IDH3A: variants seen among roughly 807,000 people sequenced by gnomAD.
IDH3A encodes the protein isocitrate dehydrogenase (NAD(+)) 3 catalytic subunit alpha.
IDH3A carries 23 observed loss-of-function variants against 43.3 expected under a neutral mutation model. That is an observed-to-expected ratio of 0.53 (90% CI 0.38 to 0.75). The LOEUF (loss-of-function observed/expected upper bound fraction) is 0.75. Ranked by LOEUF, IDH3A falls within the 30% of genes least tolerant of loss-of-function variation. The pLI, the probability that IDH3A is intolerant of heterozygous loss-of-function variation, is 0.00. For synonymous variants in IDH3A, 154 were observed against 163.5 expected, an observed-to-expected ratio of 0.94 and a Z score of 0.44; for missense variants, 329 against 474.4, an observed-to-expected ratio of 0.69 and a Z score of 2.85.
At chr15:78,163,845 A>G in intron 8 of IDH3A, 65 bp downstream of exon 8, 1 of 1,003,386 alleles carries the variant, frequency 1.0e-6, no homozygotes, top group African/African-American at 1.6e-5. Context: ...TAAAATAATT[A>G]TGGCTTAACA....
rs1375949698 is a variant in IDH3A, at chr15:78,171,501, T to C, written c.*2496T>C. The C allele has an allele frequency of 6.2e-7, 1 of 1,614,200 alleles. No individual in the cohort carries two copies. Among genetic ancestry groups the C allele is most frequent in the South Asian group, 1.1e-5 (1 of 91,082 alleles). On this transcript the variant is annotated 3_prime_UTR_variant, in exon 11 of 11. Coordinates refer to ENST00000299518, the MANE Select transcript of IDH3A (RefSeq NM_005530.3). Reference sequence around the variant, plus strand: ...TGATACCTTTGTACTTCTCCAAAACTGTGAGCCGTTTCAGTTTCATCGTGG... The same window carrying C: ...TGATACCTTTGTACTTCTCCAAAACCGTGAGCCGTTTCAGTTTCATCGTGG...
At position 78,165,091 on chromosome 15, in the gene IDH3A, A is replaced by G; in HGVS notation, c.864+15A>G. 1.3e-6 allele frequency: 2 copies of G among 1,565,106 alleles called. No individual in the cohort carries two copies. The highest frequency in any genetic ancestry group is 1.8e-6 in the Non-Finnish European group (2 of 1,135,300). Reference sequence around the variant, plus strand: ...TTTTTGAGTCGGTAAGGACCCTGACACCTGAAACAGAACTCAGGTCAGAAC... The same window carrying G: ...TTTTTGAGTCGGTAAGGACCCTGACGCCTGAAACAGAACTCAGGTCAGAAC... On this transcript the variant is annotated intron_variant, in intron 9 of 10. Coordinates refer to ENST00000299518, the MANE Select transcript of IDH3A (RefSeq NM_005530.3).
rs1418943715 is a variant in IDH3A at position 78,161,530 on chromosome 15, G to A, written c.290-51G>A. 6 of 1,514,392 alleles carry A rather than the reference G, an allele frequency of 4.0e-6. No homozygotes were observed. The highest frequency in any genetic ancestry group is 4.5e-6 in the Non-Finnish European group (5 of 1,104,876). 93.8% of individuals were successfully genotyped at this position (1,514,392 alleles called of 1,614,324 possible). On this transcript the variant is annotated intron_variant, in intron 4 of 10. Transcript: ENST00000299518. The surrounding 1 kb of genome is among the most constrained non-coding windows in gnomAD (Gnocchi z 4.8). ...GCCGAGGTGGGTTAGTAGGTCACACGTGAGACCAGAATTCCTTCTAGTGTC... is the reference window on the plus strand; with the variant it reads ...GCCGAGGTGGGTTAGTAGGTCACACATGAGACCAGAATTCCTTCTAGTGTC...
In IDH3A at chr15:78,160,086, A is replaced by G; in HGVS notation, c.175-6A>G. ...AGCTCACTGTGCTCTGTGATGTGGCATCTAGGCACCTATTCAGTGGGAGGA... is the reference window on the plus strand; with the variant it reads ...AGCTCACTGTGCTCTGTGATGTGGCGTCTAGGCACCTATTCAGTGGGAGGA... On this transcript the variant is annotated splice_region_variant and splice_polypyrimidine_tract_variant and intron_variant, in intron 3 of 10. Transcript: ENST00000299518. 16 of 1,557,874 alleles carry G rather than the reference A, an allele frequency of 1.0e-5. No individual in the cohort carries two copies. The highest frequency in any genetic ancestry group is 1.4e-5 in the Non-Finnish European group (16 of 1,128,752).
At chr15:78,155,963 T>C (rs983563821) in intron 2 of IDH3A, among the ~76,000 whole-genome samples, 21 of 152,196 alleles carry the variant, frequency 1.4e-4, no homozygotes, top group African/African-American at 5.1e-4. Flanking sequence ...CCATATAACA[T>C]CTATGCCGTG....
intron 3 of IDH3A, among the ~76,000 whole-genome samples, 185 bp downstream of exon 3, chr15:78,157,816 C>A: frequency 6.6e-6 from 1 of 150,552 alleles, no homozygotes; most frequent in South Asian, 2.1e-4. Flanking sequence ...GCCATTATTT[C>A]TTTCTTTCTT....
rs1555429600 is a variant in IDH3A, at chr15:78,158,448, C to CATACATATATATAT, written c.174+820_174+821insCATATATATATATA. Among the ~76,000 whole-genome samples the CATACATATATATAT allele has an allele frequency of 4.7e-3, 134 of 28,238 alleles. 7 individuals are homozygous for CATACATATATATAT. The highest frequency in any genetic ancestry group is 7.2e-3 in the East Asian group (8 of 1,112). The allele number at this position is 28,238 out of a possible 152,430, so 18.5% of individuals were successfully genotyped here. A position where few individuals can be genotyped will look rare whatever the true frequency, so the allele number is the denominator to read the frequency against. ...TCATAGGTTATGCAATACATACATA[C>CATACATATATATAT]ATATATATATATATATTTTTTTTTT... On this transcript the variant is annotated intron_variant, in intron 3 of 10. Coordinates refer to ENST00000299518, the MANE Select transcript of IDH3A (RefSeq NM_005530.3).
At chr15:78,168,745 G>C (rs1595874342) in intron 10 of IDH3A, 177 bp from the exon 11 acceptor site, 1 of 560,162 alleles carries the variant, frequency 1.8e-6, no homozygotes, top group South Asian at 2.3e-5. Flanking sequence ...ATTGGATCCC[G>C]ATCCTCCTGG....
intron 3 of IDH3A, among the ~76,000 whole-genome samples, chr15:78,157,972 T>C (rs980001429): frequency 3.9e-5 from 6 of 152,094 alleles, no homozygotes; most frequent in Non-Finnish European, 7.4e-5. Flanking sequence ...TGGCTGCTCC[T>C]GTTGTTGATA....
intron 10 of IDH3A, among the ~76,000 whole-genome samples, chr15:78,166,884 A>C (rs1377341604): frequency 6.6e-6 from 1 of 150,900 alleles, no homozygotes; most frequent in Non-Finnish European, 1.5e-5. Context: ...CTCCCGCCCC[A>C]GCCTCCCAAA....
chr15:78,164,028 T>C (rs186839694), intron 8 of IDH3A, among the ~76,000 whole-genome samples: 5 of 152,332 alleles, frequency 3.3e-5, no homozygotes, highest in African/African-American at 1.2e-4. Context: ...TCTTCCCAGT[T>C]TTTAAATGTT....
chr15:78,161,038 C>T lies in IDH3A; in HGVS notation c.290-543C>T, dbSNP rs1319964341. ...CTGGGATTACAGGCACACACCACAA[C>T]GCCCAGCTAATTTTTGTATTTTTAG... is the stretch of plus-strand genomic sequence containing the variant. On this transcript the variant is annotated intron_variant, in intron 4 of 10. Transcript: ENST00000299518. The surrounding 1 kb of genome is among the most constrained non-coding windows in gnomAD (Gnocchi z 4.8). Among the ~76,000 whole-genome samples the T allele has an allele frequency of 1.3e-5, 2 of 152,144 alleles. No homozygotes were observed. The highest frequency in any genetic ancestry group is 2.4e-5 in the African/African-American group (1 of 41,446).
intron 8 of IDH3A, among the ~76,000 whole-genome samples, chr15:78,164,710 G>T (rs1363299050): frequency 6.6e-6 from 1 of 152,136 alleles, no homozygotes; most frequent in Non-Finnish European, 1.5e-5. Context: ...CATGAATATT[G>T]ATGCATAGGT....
chr15:78,163,429 CTTACT>C (rs1229539903), intron 6 of IDH3A, 73 bp from the exon 7 acceptor site: 32 of 1,010,138 alleles, frequency 3.2e-5, no homozygotes, highest in Admixed American at 1.5e-4. Flanking sequence ...ATGTCTTGAA[CTTACT>C]TTACTTCTTT....
Position 78,161,746 on chromosome 15 carries a change from A to G in IDH3A, c.455A>G (p.Glu152Gly). The change falls in exon 5 of 11, where the codon GAA (glutamate) becomes GGA (glycine). Residue 152 changes from glutamate to glycine, a missense_variant. Glu to Gly is a moderately conservative substitution (Grantham distance 98). This residue lies in a region of IDH3A where 212 missense variants were observed against 345.5 expected (regional missense o/e 0.61). Coordinates refer to ENST00000299518, the MANE Select transcript of IDH3A (RefSeq NM_005530.3). This position sits in a 1 kb window ranked among gnomAD's most constrained non-coding sequence, Gnocchi z 4.8. ...ACCATTCGAGAGAACACAGAAGGAG[A>G]ATACAGTGGAATTGAGCATGTGGTA... ...IVTIRENTEGEYSGIEHVIVD... is the reference protein window; with the variant it reads ...IVTIRENTEGGYSGIEHVIVD... 1 of 1,614,062 alleles carries G rather than the reference A, an allele frequency of 6.2e-7. No individual in the cohort carries two copies. Among genetic ancestry groups the G allele is most frequent in the Non-Finnish European group, 8.5e-7 (1 of 1,179,930 alleles).
At chr15:78,153,958 C>T (rs745319482) in intron 1 of IDH3A, among the ~76,000 whole-genome samples, 13 of 151,394 alleles carry the variant, frequency 8.6e-5, no homozygotes, top group Admixed American at 2.6e-4. Flanking sequence ...TGCAGTGAGC[C>T]GAGATTGCAC....
At chr15:78,163,259 TA>T (rs2074702755) in intron 6 of IDH3A, among the ~76,000 whole-genome samples, 1 of 152,236 alleles carries the variant, frequency 6.6e-6, no homozygotes, top group Non-Finnish European at 1.5e-5. Context: ...GATAACACTA[TA>T]AAAATATAGT....
In IDH3A at chr15:78,155,510, AG is replaced by A. The variant is rs1596375837; in HGVS notation, c.90+238del. On this transcript the variant is annotated intron_variant, in intron 2 of 10. Coordinates refer to ENST00000299518, the MANE Select transcript of IDH3A (RefSeq NM_005530.3). ...GTAAGTTTGTCACATTAATATCTTGAGGGAGCCTTGTTAAAAATAGAAAGTA... is the reference window on the plus strand; with the variant it reads ...GTAAGTTTGTCACATTAATATCTTGAGGAGCCTTGTTAAAAATAGAAAGTA... 3.2e-5 allele frequency: 11 copies of A among 342,704 alleles called. No individual in the cohort carries two copies. In the East Asian group the frequency reaches 5.2e-4, roughly 16 times the overall value. 21.2% of individuals were successfully genotyped at this position (342,704 alleles called of 1,614,324 possible).
chr15:78,168,847 T>C (rs2074784307), intron 10 of IDH3A, 75 bp from the exon 11 acceptor site: 1 of 945,274 alleles, frequency 1.1e-6, no homozygotes, highest in Non-Finnish European at 1.7e-6. Context: ...GGCATCTCAC[T>C]GAGGGCTTTA....
Sources: gnomAD v4.1 joint callset for allele counts (sites outside exome capture counted in the v4.1 genomes callset) on GRCh38, gnomAD v4.1.1 for gene constraint, gnomAD v4.1.1 regional missense constraint, Gnocchi (gnomAD v3.1) non-coding constraint, MANE v1.5 for transcripts, NCBI Gene and HGNC (gene_info 2026-07-23, HGNC 2026-07-21) for gene names.